NTRK3: variants seen among roughly 807,000 people sequenced by gnomAD.
The protein encoded by NTRK3 is NT-3 growth factor receptor.
Under a neutral mutation model 91.7 loss-of-function variants are expected in NTRK3, and 24 were observed. The observed-to-expected ratio is 0.26, with a 90% CI of 0.19 to 0.37. The LOEUF (loss-of-function observed/expected upper bound fraction) is 0.37, where lower values mean the gene tolerates loss of function less well. Among genes scored for constraint, NTRK3 ranks in the 10% least tolerant of loss-of-function variants. The pLI is 1.00. For missense variants in NTRK3, 880 were observed against 1,068.9 expected (o/e 0.82, Z 2.46); for synonymous variants, 483 against 404.0 (o/e 1.20, Z -2.34).
At chr15:88,150,995 C>A (rs2043321425) in intron 5 of NTRK3, among the ~76,000 whole-genome samples, 1 of 152,100 alleles carries the variant, frequency 6.6e-6, no homozygotes, top group Non-Finnish European at 1.5e-5. Context: ...CCCTGCTCAT[C>A]AGACAAGAGT....
At chr15:88,094,475 C>CAAAAAAAAAAAA (rs10610101) in intron 13 of NTRK3, among the ~76,000 whole-genome samples, 6 of 30,318 alleles carry the variant, frequency 2.0e-4, no homozygotes, top group Admixed American at 4.3e-4. Context: ...GACTCCGTCT[C>CAAAAAAAAAAAA]AAAAAAAAAA....
intron 5 of NTRK3, among the ~76,000 whole-genome samples, chr15:88,180,481 T>G (rs1104918): frequency 0.24 from 36,451 of 152,022 alleles, 4,595 homozygotes; most frequent in South Asian, 0.31. Context: ...AGCAGACAAC[T>G]TGGCCAAAAC....
chr15:87,912,390 C>G (rs1567098540), intron 17 of NTRK3, among the ~76,000 whole-genome samples: 1 of 152,156 alleles, frequency 6.6e-6, no homozygotes, highest in South Asian at 2.1e-4. Flanking sequence ...CTAACTTAAC[C>G]AGAACACCAA....
intron 14 of NTRK3, among the ~76,000 whole-genome samples, chr15:87,953,460 A>G (rs1403712654): frequency 2.0e-5 from 3 of 152,192 alleles, no homozygotes; most frequent in Non-Finnish European, 4.4e-5. Context: ...TGTCAATGTT[A>G]TTTGTTCTTA....
At position 88,240,034 on chromosome 15, in the gene NTRK3, A is replaced by G. The variant is rs770265437; in HGVS notation, c.248+15872T>C. 2.6e-5 allele frequency among the ~76,000 whole-genome samples: 4 copies of G among 151,828 alleles called. No homozygotes were observed. Among genetic ancestry groups the G allele is most frequent in the Non-Finnish European group, 5.9e-5 (4 of 68,002 alleles). ...TCTGGTCTCCAGAACACACATATAC[A>G]CACACAGCGACACACACAGACACAC... On this transcript the variant is annotated intron_variant, in intron 3 of 18. Coordinates refer to ENST00000394480, the Ensembl canonical transcript of NTRK3. This position sits in a 1 kb window ranked among gnomAD's most constrained non-coding sequence, Gnocchi z 4.9.
chr15:87,913,984 C>A (rs577172696), intron 17 of NTRK3, among the ~76,000 whole-genome samples: 3 of 152,180 alleles, frequency 2.0e-5, no homozygotes, highest in Non-Finnish European at 4.4e-5. Flanking sequence ...CCCTTCCTGG[C>A]TCTGGACAAG....
intron 13 of NTRK3, among the ~76,000 whole-genome samples, chr15:88,092,787 C>A (rs1299817779): frequency 6.6e-6 from 1 of 152,180 alleles, no homozygotes; most frequent in Non-Finnish European, 1.5e-5. Context: ...TACATCACTC[C>A]AATCTTCAAG....
intron 5 of NTRK3, among the ~76,000 whole-genome samples, chr15:88,148,092 C>G (rs1484307465): frequency 6.6e-6 from 1 of 152,182 alleles, no homozygotes; most frequent in Non-Finnish European, 1.5e-5. Flanking sequence ...GAAGTGGCAT[C>G]CCAGGAACAA....
intron 14 of NTRK3, among the ~76,000 whole-genome samples, chr15:87,960,292 CATGTTT>C (rs1241533565): frequency 6.6e-6 from 1 of 152,162 alleles, no homozygotes; most frequent in African/African-American, 2.4e-5. Flanking sequence ...CTACTTACCT[CATGTTT>C]ATTTTTCATC....
intron 14 of NTRK3, among the ~76,000 whole-genome samples, chr15:88,010,315 C>T (rs755485180): frequency 1.3e-5 from 2 of 152,192 alleles, no homozygotes; most frequent in Non-Finnish European, 2.9e-5. Context: ...TAAAACACGG[C>T]TCCAGTCCAG....
intron 14 of NTRK3, among the ~76,000 whole-genome samples, chr15:88,017,149 G>T (rs878895194): frequency 4.6e-5 from 7 of 152,146 alleles, no homozygotes; most frequent in Admixed American, 4.6e-4. Context: ...TAAGGTGAGT[G>T]ATTTGGGGTG....
intron 16 of NTRK3, among the ~76,000 whole-genome samples, chr15:87,932,413 T>G (rs1029202810): frequency 6.6e-6 from 1 of 152,200 alleles, no homozygotes; most frequent in African/African-American, 2.4e-5. Flanking sequence ...TTAAACCTTA[T>G]TGAACTTTAA....
intron 13 of NTRK3, among the ~76,000 whole-genome samples, chr15:88,080,812 T>A (rs1252317237): frequency 6.6e-6 from 1 of 152,228 alleles, no homozygotes. Context: ...GCAAGCATGG[T>A]GCCAATGACC....
intron 17 of NTRK3, among the ~76,000 whole-genome samples, chr15:87,926,067 G>C (rs1033840592): frequency 1.3e-5 from 2 of 152,350 alleles, no homozygotes; most frequent in Middle Eastern, 3.4e-3. Context: ...ACAGAGGTTA[G>C]AGGAAAATGC....
At chr15:88,036,090 G>A (rs1220280765) in intron 13 of NTRK3, among the ~76,000 whole-genome samples, 3 of 152,118 alleles carry the variant, frequency 2.0e-5, no homozygotes, top group African/African-American at 7.2e-5. Flanking sequence ...CAGAAGAGAT[G>A]AATGGAAAAC....
intron 13 of NTRK3, among the ~76,000 whole-genome samples, chr15:88,096,821 C>T (rs933362834): frequency 6.6e-6 from 1 of 152,216 alleles, no homozygotes; most frequent in Non-Finnish European, 1.5e-5. Context: ...CTGTCACGCT[C>T]TTTCTTGACT....
intron 3 of NTRK3, among the ~76,000 whole-genome samples, chr15:88,225,249 G>A (rs1386156275): frequency 6.6e-6 from 1 of 152,204 alleles, no homozygotes; most frequent in African/African-American, 2.4e-5. Context: ...TTCCAATGCA[G>A]GTCGGGGTTT....
Position 88,127,263 on chromosome 15 carries a change from C to T in NTRK3, c.1229-37G>A, listed in dbSNP as rs751832734. On this transcript the variant is annotated intron_variant, in intron 11 of 18. Transcript: ENST00000394480. The stretch of plus-strand genomic sequence containing the variant: ...ACACAAAAAGGAGGAGGACAGTTAG[C>T]TTCCCGGCTGGGGAGGCTCAGCCAC... The T allele has an allele frequency of 9.4e-6, 15 of 1,593,370 alleles. No homozygotes were observed. In the Admixed American group the frequency reaches 1.8e-4, roughly 20 times the overall value.
chr15:87,881,173 T>A (rs2065223016), intron 17 of NTRK3, among the ~76,000 whole-genome samples: 1 of 152,128 alleles, frequency 6.6e-6, no homozygotes, highest in African/African-American at 2.4e-5. Context: ...AGAAAAACAT[T>A]AGGGAACTCC....
Sources: allele counts gnomAD v4.1 joint callset (sites outside exome capture counted in the v4.1 genomes callset), GRCh38; gene constraint gnomAD v4.1.1; non-coding constraint Gnocchi (gnomAD v3.1); transcripts MANE v1.5; gene names NCBI Gene and HGNC (gene_info 2026-07-23, HGNC 2026-07-21).